Variants in KYAT3 observed in about 807,000 individuals in gnomAD.
KYAT3 encodes the protein kynurenine--oxoglutarate transaminase 3.
Under a neutral mutation model 59.0 loss-of-function variants are expected in KYAT3, and 50 were observed. The observed-to-expected ratio is 0.85, with a 90% CI of 0.68 to 1.07. KYAT3 has a LOEUF of 1.07. Ranked by LOEUF, KYAT3 falls within the 50% of genes least tolerant of loss-of-function variation. The pLI is 0.00. For synonymous variants in KYAT3, 148 were observed against 177.0 expected, an observed-to-expected ratio of 0.84 and a Z score of 1.30; for missense variants, 497 against 533.3, an observed-to-expected ratio of 0.93 and a Z score of 0.67.
downstream of KYAT3, among the ~76,000 whole-genome samples, chr1:88,934,957 G>A (rs922646706): frequency 2.0e-5 from 3 of 150,618 alleles, no homozygotes; most frequent in African/African-American, 7.3e-5. Flanking sequence ...GTGAAATAGT[G>A]GATTTGAAAT....
chr1:88,940,088 G>T (rs980498682), intron 13 of KYAT3, among the ~76,000 whole-genome samples: 25 of 151,496 alleles, frequency 1.7e-4, no homozygotes, highest in Non-Finnish European at 8.8e-5. Flanking sequence ...TATATTTTTT[G>T]AGACAGAGTC....
intron 2 of KYAT3, among the ~76,000 whole-genome samples, chr1:88,978,711 A>G (rs996512194): frequency 1.3e-5 from 2 of 148,784 alleles, no homozygotes; most frequent in African/African-American, 5.0e-5. Context: ...GAATATTGCT[A>G]TGTTGCCCAG....
intron 2 of KYAT3, among the ~76,000 whole-genome samples, chr1:88,986,908 A>G (rs911824455): frequency 2.6e-5 from 4 of 152,230 alleles, no homozygotes; most frequent in African/African-American, 7.2e-5. Context: ...ACTATTTTAA[A>G]TGCAAAGCCT....
intron 2 of KYAT3, among the ~76,000 whole-genome samples, chr1:88,984,464 G>A (rs895383598): frequency 6.6e-6 from 1 of 152,046 alleles, no homozygotes; most frequent in Non-Finnish European, 1.5e-5. Flanking sequence ...CGCCTGCCTC[G>A]GCCTCCCAGT....
intron 4 of KYAT3, among the ~76,000 whole-genome samples, chr1:88,966,200 G>T (rs940291203): frequency 3.9e-5 from 6 of 151,958 alleles, no homozygotes; most frequent in African/African-American, 1.4e-4. Flanking sequence ...ACAAAAACTA[G>T]AATATACATA....
intron 13 of KYAT3, among the ~76,000 whole-genome samples, chr1:88,942,650 C>T (rs1675283341): frequency 6.6e-6 from 1 of 151,934 alleles, no homozygotes; most frequent in Non-Finnish European, 1.5e-5. Context: ...GCAAGCTCTT[C>T]CTCGCGGGTT....
chr1:88,942,428 C>G (rs1675271165), intron 13 of KYAT3, among the ~76,000 whole-genome samples: 1 of 151,966 alleles, frequency 6.6e-6, no homozygotes, highest in African/African-American at 2.4e-5. Context: ...TTTTTCTTTG[C>G]TACAGGTCAT....
intron 11 of KYAT3, among the ~76,000 whole-genome samples, chr1:88,947,406 T>C (rs10436916): frequency 0.038 from 5,804 of 152,280 alleles, 319 homozygotes; most frequent in African/African-American, 0.12. Flanking sequence ...CTGCTGCCTC[T>C]TCTGTGTCCC....
chr1:88,933,300 A>T (rs546743461), downstream of KYAT3, among the ~76,000 whole-genome samples: 42 of 152,314 alleles, frequency 2.8e-4, no homozygotes, highest in African/African-American at 1.0e-3. Flanking sequence ...TCACTGATGT[A>T]GTAAGTGCCT....
At chr1:88,989,932 A>T (rs2101104351) in intron 1 of KYAT3, among the ~76,000 whole-genome samples, 2 of 152,308 alleles carry the variant, frequency 1.3e-5, no homozygotes, top group South Asian at 4.1e-4. Flanking sequence ...TGTGGTCATC[A>T]GTCTTAAATT....
At chr1:88,928,319 C>T in the KYAT3 span, among the ~76,000 whole-genome samples, 5 of 151,984 alleles carry the variant, frequency 3.3e-5, no homozygotes, top group African/African-American at 1.2e-4. Context: ...CTTAGAAACC[C>T]TATTGAACTT....
chr1:88,935,354 G>C (rs985502816), downstream of KYAT3, among the ~76,000 whole-genome samples: 5 of 139,898 alleles, frequency 3.6e-5, no homozygotes, highest in African/African-American at 1.3e-4. Context: ...AGGAGAGAGA[G>C]AGACAGAGAG....
At chr1:88,925,725 A>G in the KYAT3 span, among the ~76,000 whole-genome samples, 3 of 151,696 alleles carry the variant, frequency 2.0e-5, no homozygotes, top group Non-Finnish European at 4.4e-5. Context: ...CAGAGGAGAG[A>G]GAGACAGAGG....
chr1:88,932,646 A>C (rs1439566872), downstream of KYAT3, among the ~76,000 whole-genome samples: 1 of 151,950 alleles, frequency 6.6e-6, no homozygotes, highest in Non-Finnish European at 1.5e-5. Context: ...GAGCACACCA[A>C]CATGCCTGGA....
rs374139176 is a variant in KYAT3 at position 88,983,822 on chromosome 1, A to G, written c.99+4430T>C. The G allele has an allele frequency of 9.0e-5, 144 of 1,605,568 alleles. 2 individuals carry two copies. In the South Asian group the frequency reaches 1.5e-3, roughly 17 times the overall value. On this transcript the variant is annotated intron_variant, in intron 2 of 13. Transcript: ENST00000260508. ...GAGCTTTCCTGGGCGATCTGCTTCA[A>G]CCATTTTTTTTTTTGCCGGTGAGTC...
intron 13 of KYAT3, among the ~76,000 whole-genome samples, chr1:88,942,677 C>T (rs1256352038): frequency 6.6e-6 from 1 of 152,084 alleles, no homozygotes; most frequent in Non-Finnish European, 1.5e-5. Flanking sequence ...ATTCTCCTGC[C>T]TCAGCCTCCC....
At chr1:88,970,101 CAA>C (rs1484084666) in intron 2 of KYAT3, among the ~76,000 whole-genome samples, 1 of 152,074 alleles carries the variant, frequency 6.6e-6, no homozygotes. Context: ...AAGTTAGTTT[CAA>C]AAAATATCTT....
Position 88,968,661 on chromosome 1 carries a change from T to A in KYAT3, c.303+9A>T, listed in dbSNP as rs1457299550. On this transcript the variant is annotated intron_variant, in intron 4 of 13. Coordinates refer to ENST00000260508, the MANE Select transcript of KYAT3 (RefSeq NM_001008661.3). ...AAGCTCATGGCCCATATGGTCTTGA[T>A]ATACTTACAAAGCCTCGTGTATACT... The A allele has an allele frequency of 6.4e-7, 1 of 1,552,816 alleles. No homozygotes were observed.
At chr1:88,939,096 G>C (rs1675144347) in intron 13 of KYAT3, among the ~76,000 whole-genome samples, 1 of 151,900 alleles carries the variant, frequency 6.6e-6, no homozygotes, top group South Asian at 2.1e-4. Context: ...TAGTTGTTTT[G>C]GTTGTTTCCA....
Sources: allele counts gnomAD v4.1 joint callset (sites outside exome capture counted in the v4.1 genomes callset), GRCh38; gene constraint gnomAD v4.1.1; transcripts MANE v1.5; gene names NCBI Gene and HGNC (gene_info 2026-07-23, HGNC 2026-07-21).